The following ADGRL2 variants were observed in gnomAD, a reference collection of about 807,000 sequenced individuals.
ADGRL2 encodes the protein calcium-independent alpha-latrotoxin receptor 2.
Under a neutral mutation model 157.4 loss-of-function variants are expected in ADGRL2, and 44 were observed. The observed-to-expected ratio is 0.28, with a 90% CI of 0.22 to 0.36. The LOEUF (loss-of-function observed/expected upper bound fraction) is 0.36. Ranked by LOEUF, ADGRL2 falls within the 10% of genes least tolerant of loss-of-function variation. The pLI is 1.00. For synonymous variants in ADGRL2, 585 were observed against 624.7 expected (o/e 0.94, Z 0.95); for missense variants, 1,510 against 1,768.9 (o/e 0.85, Z 2.63).
intron 3 of ADGRL2, among the ~76,000 whole-genome samples, chr1:81,912,344 T>C (rs748455865): frequency 2.0e-5 from 3 of 152,170 alleles, no homozygotes; most frequent in African/African-American, 4.8e-5. Flanking sequence ...AGTGTTTGTA[T>C]TACAGGCGGG....
chr1:81,573,013 C>A lies in ADGRL2; in HGVS notation c.-247-7863C>A, dbSNP rs563009849. Among the ~76,000 whole-genome samples the A allele has an allele frequency of 1.5e-4, 23 of 151,564 alleles. No homozygotes were observed. In the South Asian group the frequency reaches 4.0e-3, roughly 26 times the overall value. Reference sequence around the variant, plus strand: ...ACAATTTCACAGGTTTTAATCAAATCATATTCATTATAATCTAGGAGGGCT... The same window carrying A: ...ACAATTTCACAGGTTTTAATCAAATAATATTCATTATAATCTAGGAGGGCT... On this transcript the variant is annotated intron_variant, in intron 2 of 24. Transcript: ENST00000370721.
chr1:81,550,574 G>T (rs1215262492), intron 2 of ADGRL2, among the ~76,000 whole-genome samples: 1 of 152,086 alleles, frequency 6.6e-6, no homozygotes, highest in East Asian at 1.9e-4. Context: ...CTCATCACAG[G>T]CTTTGTAGCT....
chr1:81,617,794 C>T lies in ADGRL2; in HGVS notation c.-143+36814C>T, dbSNP rs571278863. Among the ~76,000 whole-genome samples the T allele has an allele frequency of 6.6e-5, 10 of 152,284 alleles. No homozygotes were observed. In the South Asian group the frequency reaches 8.3e-4, roughly 13 times the overall value. The stretch of plus-strand genomic sequence containing the variant: ...CTGTAGCATAATCTAAAATATTCCC[C>T]GTGGAATTACCTCAGCAAACAGACA... On this transcript the variant is annotated intron_variant, in intron 3 of 24. Transcript: ENST00000370721.
rs182370110 is a variant in ADGRL2 at position 81,528,024 on chromosome 1, G to A, written c.-247-52852G>A. On this transcript the variant is annotated intron_variant, in intron 2 of 24. Coordinates refer to the ADGRL2 transcript ENST00000370721. The stretch of plus-strand genomic sequence containing the variant: ...GGAGCTTGCAGTGAGCCGAGATCGC[G>A]TCACTGCACTCCAGTCTGGGCCACA... 2.9e-3 allele frequency among the ~76,000 whole-genome samples: 436 copies of A among 152,198 alleles called. 2 individuals carry two copies. The highest frequency in any genetic ancestry group is 0.01 in the Middle Eastern group (3 of 294).
At chr1:81,910,252 A>ATAATAATAAT (rs1220347835) in intron 3 of ADGRL2, among the ~76,000 whole-genome samples, 1 of 149,372 alleles carries the variant, frequency 6.7e-6, no homozygotes, top group East Asian at 2.0e-4. Flanking sequence ...AACAATAATA[A>ATAATAATAAT]TAATAATAAT....
At chr1:81,810,606 G>A (rs2089741192) in intron 1 of ADGRL2, among the ~76,000 whole-genome samples, 1 of 151,614 alleles carries the variant, frequency 6.6e-6, no homozygotes, top group African/African-American at 2.4e-5. Flanking sequence ...CTTTCCTATG[G>A]TTAAAATCTA....
chr1:81,751,177 T>C (rs1308310123), intron 1 of ADGRL2, among the ~76,000 whole-genome samples: 2 of 152,088 alleles, frequency 1.3e-5, no homozygotes, highest in Non-Finnish European at 1.5e-5. Flanking sequence ...AAGTGAATAA[T>C]AACAGTAACA....
chr1:81,322,475 T>G (rs559711616), intron 1 of ADGRL2, among the ~76,000 whole-genome samples: 3 of 152,204 alleles, frequency 2.0e-5, no homozygotes, highest in Non-Finnish European at 2.9e-5. Flanking sequence ...CAAGGAACTT[T>G]AGTTAGGGAG....
chr1:81,880,744 T>G, intron 2 of ADGRL2, among the ~76,000 whole-genome samples: 1 of 148,448 alleles, frequency 6.7e-6, no homozygotes, highest in East Asian at 2.2e-4. Context: ...TTTCCCTTAC[T>G]GTGCATGTGT....
At chr1:81,822,015 G>A (rs936913290) in intron 1 of ADGRL2, among the ~76,000 whole-genome samples, 1 of 133,280 alleles carries the variant, frequency 7.5e-6, no homozygotes, top group East Asian at 2.4e-4. Flanking sequence ...TGCATTATAG[G>A]TAATATCAGA....
chr1:81,584,409 T>G (rs2080981302), intron 3 of ADGRL2, among the ~76,000 whole-genome samples: 1 of 152,190 alleles, frequency 6.6e-6, no homozygotes, highest in African/African-American at 2.4e-5. Flanking sequence ...ATAACTCCAT[T>G]TAAGTAAATA....
chr1:81,450,581 T>G (rs567060596), intron 2 of ADGRL2, among the ~76,000 whole-genome samples: 2 of 152,264 alleles, frequency 1.3e-5, no homozygotes, highest in African/African-American at 4.8e-5. Context: ...CTCACAGTGC[T>G]GCCTCACTGT....
intron 2 of ADGRL2, among the ~76,000 whole-genome samples, chr1:81,498,627 T>A (rs1432929564): frequency 3.9e-5 from 6 of 152,192 alleles, no homozygotes; most frequent in Non-Finnish European, 5.9e-5. Flanking sequence ...ATGACATTAA[T>A]AATTTCATCA....
At chr1:81,333,435 A>T (rs1328486673) in intron 1 of ADGRL2, among the ~76,000 whole-genome samples, 1 of 150,936 alleles carries the variant, frequency 6.6e-6, no homozygotes. Flanking sequence ...TTATTTTTTG[A>T]GACGGAGTCT....
intron 1 of ADGRL2, among the ~76,000 whole-genome samples, chr1:81,421,828 G>A (rs2077130370): frequency 6.6e-6 from 1 of 152,068 alleles, no homozygotes; most frequent in African/African-American, 2.4e-5. Flanking sequence ...CAAAATTTGG[G>A]AAGAAAACAG....
intron 1 of ADGRL2, among the ~76,000 whole-genome samples, chr1:81,371,450 G>A (rs1472092927): frequency 2.0e-5 from 3 of 152,168 alleles, no homozygotes; most frequent in African/African-American, 7.2e-5. Context: ...CAAAACTAAT[G>A]TTTCCCACTA....
chr1:81,826,298 A>G (rs756292628), intron 1 of ADGRL2, among the ~76,000 whole-genome samples: 2 of 152,260 alleles, frequency 1.3e-5, no homozygotes. Flanking sequence ...GGTTATATGT[A>G]TAATTCATGC....
At chr1:81,594,009 A>T (rs1231468914) in intron 3 of ADGRL2, among the ~76,000 whole-genome samples, 2 of 152,220 alleles carry the variant, frequency 1.3e-5, no homozygotes. Context: ...TGTATGTAGA[A>T]ACACATAAAG....
chr1:81,650,574 C>CAAA (rs1180168819), intron 3 of ADGRL2, among the ~76,000 whole-genome samples: 32 of 62,318 alleles, frequency 5.1e-4, no homozygotes, highest in African/African-American at 1.8e-3. Flanking sequence ...GACTCCATCT[C>CAAA]AAAAAAAAAA....
Sources: gnomAD v4.1 joint callset for allele counts (sites outside exome capture counted in the v4.1 genomes callset) on GRCh38, gnomAD v4.1.1 for gene constraint, MANE v1.5 for transcripts, NCBI Gene and HGNC (gene_info 2026-07-23, HGNC 2026-07-21) for gene names.